DAB1: variants seen among roughly 807,000 people sequenced by gnomAD.
The protein encoded by DAB1 is disabled homolog 1.
Under a neutral mutation model 64.6 loss-of-function variants are expected in DAB1, and 15 were observed. The ratio of observed to expected loss-of-function variants is 0.23; its 90% CI spans 0.16 to 0.36. The LOEUF (loss-of-function observed/expected upper bound fraction) is 0.36, where lower values mean the gene tolerates loss of function less well. Ranked by LOEUF, DAB1 falls within the 10% of genes least tolerant of loss-of-function variation. DAB1 has a pLI of 1.00. For synonymous variants in DAB1, 235 were observed against 251.9 expected (o/e 0.93, Z 0.64); for missense variants, 596 against 706.7 (o/e 0.84, Z 1.78).
chr1:57,097,600 C>T (rs756598939), intron 4 of DAB1, among the ~76,000 whole-genome samples: 2 of 152,156 alleles, frequency 1.3e-5, no homozygotes, highest in Non-Finnish European at 2.9e-5. Context: ...GATCACAGAA[C>T]TCCTAAAGGC....
intron 6 of DAB1, among the ~76,000 whole-genome samples, chr1:57,814,846 G>A (rs565408176): frequency 6.6e-6 from 1 of 152,074 alleles, no homozygotes; most frequent in African/African-American, 2.4e-5. Context: ...TTCATTGTAT[G>A]AGTGTGAGCA....
At chr1:57,992,783 T>C (rs1000138942) in intron 5 of DAB1, among the ~76,000 whole-genome samples, 3 of 152,186 alleles carry the variant, frequency 2.0e-5, no homozygotes, top group South Asian at 2.1e-4. Context: ...GTGTTTTCAC[T>C]GCTTGATTGC....
intron 4 of DAB1, among the ~76,000 whole-genome samples, chr1:58,290,866 A>T (rs1291612542): frequency 6.6e-6 from 1 of 152,162 alleles, no homozygotes; most frequent in East Asian, 1.9e-4. Context: ...TGTTTTCAGT[A>T]CCATGGAGAG....
At chr1:58,418,085 C>A (rs1340510879) in intron 3 of DAB1, among the ~76,000 whole-genome samples, 1 of 152,142 alleles carries the variant, frequency 6.6e-6, no homozygotes, top group South Asian at 2.1e-4. Context: ...CCCTGCCCCA[C>A]CAAGGCACTG....
At chr1:57,914,790 A>G (rs1644701283) in intron 5 of DAB1, among the ~76,000 whole-genome samples, 1 of 152,238 alleles carries the variant, frequency 6.6e-6, no homozygotes, top group Non-Finnish European at 1.5e-5. Flanking sequence ...TCATATAAAC[A>G]TTATATTGAG....
intron 5 of DAB1, among the ~76,000 whole-genome samples, chr1:58,113,054 C>T (rs1432219845): frequency 6.6e-6 from 1 of 152,152 alleles, no homozygotes; most frequent in African/African-American, 2.4e-5. Flanking sequence ...TCCTTACAGA[C>T]CCTGCAGCCC....
At chr1:58,027,841 T>C (rs1421301682) in intron 5 of DAB1, among the ~76,000 whole-genome samples, 4 of 152,212 alleles carry the variant, frequency 2.6e-5, no homozygotes, top group Non-Finnish European at 5.9e-5. Context: ...AATTCAGCCA[T>C]ATAGATGAAA....
intron 1 of DAB1, among the ~76,000 whole-genome samples, chr1:57,395,824 CTT>C (rs1366632906): frequency 9.9e-5 from 15 of 151,212 alleles, no homozygotes; most frequent in African/African-American, 3.7e-4. Context: ...CTATAGCATT[CTT>C]AAGTATAGAG....
intron 2 of DAB1, among the ~76,000 whole-genome samples, chr1:57,242,781 TA>T (rs1668585941): frequency 1.3e-5 from 2 of 152,342 alleles, no homozygotes; most frequent in South Asian, 4.1e-4. Flanking sequence ...AAGCAATGTT[TA>T]AACCTGCTTT....
intron 7 of DAB1, among the ~76,000 whole-genome samples, chr1:57,504,987 A>G (rs775840541): frequency 6.6e-6 from 1 of 152,212 alleles, no homozygotes; most frequent in Non-Finnish European, 1.5e-5. Context: ...AGAAGACATG[A>G]TGATGAAATG....
chr1:57,276,917 A>C (rs1671513978), intron 2 of DAB1, among the ~76,000 whole-genome samples: 1 of 152,316 alleles, frequency 6.6e-6, no homozygotes, highest in South Asian at 2.1e-4. Flanking sequence ...GCACTCTGCC[A>C]GGTTTTGAAA....
rs1664590121 is a variant in DAB1 at position 57,195,966 on chromosome 1, A to G, written c.68-50537T>C. On this transcript the variant is annotated intron_variant, in intron 2 of 14. Coordinates refer to ENST00000371236, the MANE Select transcript of DAB1 (RefSeq NM_001365792.1). ...AAAAATAGTACATGTATGAATTTAT[A>G]GATAAATTGTGGAGAATGAAAACAT... Among the ~76,000 whole-genome samples the G allele has an allele frequency of 1.3e-5, 2 of 152,170 alleles. 1 individual carries two copies. The highest frequency in any genetic ancestry group is 4.1e-4 in the South Asian group (2 of 4,826).
intron 5 of DAB1, among the ~76,000 whole-genome samples, chr1:57,889,285 G>A (rs1341256563): frequency 1.3e-5 from 2 of 152,212 alleles, no homozygotes; most frequent in African/African-American, 4.8e-5. Context: ...GAGTACTTGA[G>A]CTGTCGCTTA....
chr1:57,955,986 A>G (rs1450807623), intron 5 of DAB1, among the ~76,000 whole-genome samples: 1 of 152,178 alleles, frequency 6.6e-6, no homozygotes, highest in Non-Finnish European at 1.5e-5. Context: ...CTAGGATTAC[A>G]GGATGGGTCA....
At chr1:58,314,314 C>T (rs986357290) in intron 4 of DAB1, among the ~76,000 whole-genome samples, 1 of 152,274 alleles carries the variant, frequency 6.6e-6, no homozygotes, top group South Asian at 2.1e-4. Context: ...AAGCCTGATC[C>T]TGTTCTATGG....
chr1:57,876,720 G>A (rs890755483), intron 1 of DAB1: 6 of 152,028 alleles, frequency 3.9e-5, no homozygotes, highest in East Asian at 1.9e-4. Context: ...GATTTTTCAC[G>A]TTTCTCCTAG....
At chr1:57,550,365 G>A (rs1272367595) in intron 7 of DAB1, among the ~76,000 whole-genome samples, 2 of 152,166 alleles carry the variant, frequency 1.3e-5, no homozygotes, top group Non-Finnish European at 2.9e-5. Flanking sequence ...TGGACAGGGA[G>A]TTGGGTTAGT....
At chr1:58,322,965 T>C (rs4912326) in intron 4 of DAB1, among the ~76,000 whole-genome samples, 50,310 of 151,714 alleles carry the variant, frequency 0.33, 8,556 homozygotes, top group South Asian at 0.45. Flanking sequence ...CTGGAAACCA[T>C]CATTCTGAGC....
At chr1:57,448,769 GACACACACACACAC>G (rs59445697) in intron 7 of DAB1, among the ~76,000 whole-genome samples, 1 of 150,392 alleles carries the variant, frequency 6.6e-6, no homozygotes, top group South Asian at 2.1e-4. Context: ...TAGCAATTCT[GACACACACACACAC>G]ACACACACAC....
Sources: allele counts gnomAD v4.1 joint callset (sites outside exome capture counted in the v4.1 genomes callset), GRCh38; gene constraint gnomAD v4.1.1; transcripts MANE v1.5; gene names NCBI Gene and HGNC (gene_info 2026-07-23, HGNC 2026-07-21).